The following CGNL1 variants were observed in gnomAD, a reference collection of about 807,000 sequenced individuals.
CGNL1 encodes cingulin like 1.
CGNL1 carries 132 observed loss-of-function variants against 141.2 expected under a neutral mutation model. The observed-to-expected ratio is 0.93, with a 90% CI of 0.81 to 1.08. The LOEUF is 1.08. Ranked by LOEUF, CGNL1 falls within the 50% of genes least tolerant of loss-of-function variation. The probability of loss-of-function intolerance (pLI) is 0.00; values close to 1 mark genes in which losing one functional copy is unlikely to be tolerated. For synonymous variants in CGNL1, 690 were observed against 622.1 expected (o/e 1.11, Z -1.63); for missense variants, 1,870 against 1,588.6 (o/e 1.18, Z -3.01).
chr15:57,479,851 G>T (rs2063703723), intron 8 of CGNL1, among the ~76,000 whole-genome samples: 2 of 152,128 alleles, frequency 1.3e-5, no homozygotes, highest in Admixed American at 1.3e-4. Context: ...GAGGAAGCAG[G>T]GAAGCTGGTA....
chr15:57,400,733 T>C (rs1454940179), intron 1 of CGNL1, among the ~76,000 whole-genome samples: 1 of 151,492 alleles, frequency 6.6e-6, no homozygotes, highest in Non-Finnish European at 1.5e-5. Context: ...AAATACAAAA[T>C]TTAGCTAGGC....
chr15:57,450,162 G>A (rs956406767), intron 4 of CGNL1, among the ~76,000 whole-genome samples: 1 of 152,172 alleles, frequency 6.6e-6, no homozygotes, highest in Non-Finnish European at 1.5e-5. Flanking sequence ...GTATCATGTT[G>A]CATTCCCACA....
Position 57,545,615 on chromosome 15 carries a change from G to A in CGNL1, c.3524G>A (p.Ser1175Asn). 6.2e-7 allele frequency: 1 copy of A among 1,613,552 alleles called. No individual in the cohort carries two copies. The highest frequency in any genetic ancestry group is 8.5e-7 in the Non-Finnish European group (1 of 1,179,890). Residue 1175 changes from serine to asparagine, a missense_variant, in exon 17 of 19, where the codon AGC (serine) becomes AAC (asparagine). Physicochemically the swap from Ser to Asn is conservative, Grantham distance 46. Coordinates refer to ENST00000281282, the MANE Select transcript of CGNL1 (RefSeq NM_032866.5). Reference sequence around the variant, plus strand: ...AGGGATCGGGCCAATCTTCAGCTCAGCAACCGGCGGCTGGAGCGGAAAGTG... The same window carrying A: ...AGGGATCGGGCCAATCTTCAGCTCAACAACCGGCGGCTGGAGCGGAAAGTG... ...EERDRANLQL[S>N]NRRLERKVKE...
intron 8 of CGNL1, among the ~76,000 whole-genome samples, chr15:57,466,813 C>G (rs2063516387): frequency 6.6e-6 from 1 of 152,154 alleles, no homozygotes; most frequent in African/African-American, 2.4e-5. Flanking sequence ...GGAGCAGTAT[C>G]ATGATGTTAA....
At chr15:57,414,837 C>G (rs1366243676) in intron 1 of CGNL1, among the ~76,000 whole-genome samples, 1 of 152,186 alleles carries the variant, frequency 6.6e-6, no homozygotes, top group Non-Finnish European at 1.5e-5. Flanking sequence ...TGATTCCAGC[C>G]TGCTGATCTG....
chr15:57,413,853 C>G (rs1440071823), intron 1 of CGNL1, among the ~76,000 whole-genome samples: 2 of 152,166 alleles, frequency 1.3e-5, no homozygotes, highest in Non-Finnish European at 2.9e-5. Context: ...GCCTTTTCAT[C>G]CCCCAGTGTC....
intron 1 of CGNL1, among the ~76,000 whole-genome samples, chr15:57,424,013 G>A (rs2062946257): frequency 6.6e-6 from 1 of 152,112 alleles, no homozygotes; most frequent in South Asian, 2.1e-4. Flanking sequence ...GTCACACCTC[G>A]AATCTTATTG....
chr15:57,441,663 C>G (rs1380513024), intron 3 of CGNL1, among the ~76,000 whole-genome samples: 1 of 152,202 alleles, frequency 6.6e-6, no homozygotes, highest in Non-Finnish European at 1.5e-5. Flanking sequence ...GCCACCGCAC[C>G]TGGCCAAAAT....
chr15:57,519,784 T>A (rs2140116116), intron 10 of CGNL1, among the ~76,000 whole-genome samples: 1 of 152,242 alleles, frequency 6.6e-6, no homozygotes, highest in East Asian at 1.9e-4. Flanking sequence ...AGGAAACATA[T>A]TTGTACTCTA....
intron 8 of CGNL1, among the ~76,000 whole-genome samples, chr15:57,467,336 G>C (rs1214656328): frequency 1.3e-5 from 2 of 152,178 alleles, no homozygotes; most frequent in Non-Finnish European, 2.9e-5. Flanking sequence ...TTTTAGGGAG[G>C]GGACAGTATT....
chr15:57,455,208 G>C (rs1300784593), intron 7 of CGNL1, among the ~76,000 whole-genome samples: 2 of 151,834 alleles, frequency 1.3e-5, no homozygotes, highest in Non-Finnish European at 2.9e-5. Flanking sequence ...CAAAGATTGT[G>C]GGGAACATTT....
chr15:57,481,434 A>G lies in CGNL1; in HGVS notation c.2403+19542A>G, dbSNP rs552800166. Among the ~76,000 whole-genome samples the G allele has an allele frequency of 2.1e-4, 32 of 152,316 alleles. No homozygotes were observed. In the Middle Eastern group the frequency reaches 0.01, roughly 49 times the overall value. On this transcript the variant is annotated intron_variant, in intron 8 of 18. Transcript: ENST00000281282. ...CAGGATGGTATATAGATGGAATCATACAGAATGTAACCTTTTGGAATTGGC... is the reference window on the plus strand; with the variant it reads ...CAGGATGGTATATAGATGGAATCATGCAGAATGTAACCTTTTGGAATTGGC...
At chr15:57,520,702 C>T (rs756685309) in intron 10 of CGNL1, among the ~76,000 whole-genome samples, 5 of 152,174 alleles carry the variant, frequency 3.3e-5, no homozygotes, top group Non-Finnish European at 5.9e-5. Flanking sequence ...GAGGGGATAA[C>T]AGTGCATACA....
intron 8 of CGNL1, among the ~76,000 whole-genome samples, chr15:57,500,731 A>G (rs887573342): frequency 1.3e-5 from 2 of 152,242 alleles, no homozygotes; most frequent in Non-Finnish European, 2.9e-5. Context: ...AAGATGTAAC[A>G]AAGTGAGGCC....
chr15:57,469,720 C>T (rs1022945627), intron 8 of CGNL1, among the ~76,000 whole-genome samples: 1 of 152,168 alleles, frequency 6.6e-6, no homozygotes, highest in Non-Finnish European at 1.5e-5. Context: ...TCCCCCTTCA[C>T]CACCACCCTC....
At chr15:57,442,197 A>AAAAAAAAAAAAAAAAAAAC (rs2063197756) in intron 3 of CGNL1, among the ~76,000 whole-genome samples, 176 bp from the exon 4 acceptor site, 1 of 150,414 alleles carries the variant, frequency 6.6e-6, no homozygotes, top group Non-Finnish European at 1.5e-5. Flanking sequence ...AAAAAAAAAA[A>AAAAAAAAAAAAAAAAAAAC]AAAAAAGACA....
intron 1 of CGNL1, among the ~76,000 whole-genome samples, chr15:57,387,762 C>T (rs1339949369): frequency 2.0e-5 from 3 of 152,238 alleles, no homozygotes; most frequent in Admixed American, 1.3e-4. Flanking sequence ...ACATTTGACG[C>T]CACTGCAGGC....
chr15:57,443,965 T>C (rs1327009011), intron 4 of CGNL1, among the ~76,000 whole-genome samples: 1 of 152,184 alleles, frequency 6.6e-6, no homozygotes, highest in Non-Finnish European at 1.5e-5. Context: ...GGGGTATAAC[T>C]TATATAAAGT....
chr15:57,383,898 C>T (rs571202586), intron 1 of CGNL1, among the ~76,000 whole-genome samples: 25 of 152,178 alleles, frequency 1.6e-4, no homozygotes, highest in African/African-American at 4.8e-4. Context: ...CTAGGCCTCC[C>T]GAAGTGCTGA....
Sources: allele counts gnomAD v4.1 joint callset (sites outside exome capture counted in the v4.1 genomes callset), GRCh38; gene constraint gnomAD v4.1.1; transcripts MANE v1.5; gene names NCBI Gene and HGNC (gene_info 2026-07-23, HGNC 2026-07-21).